The following ABI2 variants were observed in gnomAD, a reference collection of about 807,000 sequenced individuals.
The protein encoded by ABI2 is abelson interactor 2.
A neutral mutation model predicts 59.2 loss-of-function variants in ABI2; 25 were observed. The ratio of observed to expected loss-of-function variants is 0.42; its 90% CI spans 0.31 to 0.59. The LOEUF (loss-of-function observed/expected upper bound fraction) is 0.59, where lower values mean the gene tolerates loss of function less well. Among genes scored for constraint, ABI2 ranks in the 20% least tolerant of loss-of-function variants. ABI2 has a pLI of 0.14. For synonymous variants in ABI2, 213 were observed against 235.5 expected, an observed-to-expected ratio of 0.90 and a Z score of 0.87; for missense variants, 545 against 681.8, an observed-to-expected ratio of 0.80 and a Z score of 2.23.
chr2:203,385,123 G>T (rs1392745085), intron 4 of ABI2, among the ~76,000 whole-genome samples: 1 of 101,282 alleles, frequency 9.9e-6, no homozygotes, highest in African/African-American at 3.3e-5. Flanking sequence ...GTGAGCCACC[G>T]CACCCGGCTC....
intron 9 of ABI2, among the ~76,000 whole-genome samples, chr2:203,405,044 T>A (rs904699605): frequency 1.3e-5 from 2 of 152,198 alleles, no homozygotes; most frequent in African/African-American, 4.8e-5. Context: ...AGTAAAAAGA[T>A]CCCCACTTTA....
Position 203,402,801 on chromosome 2 carries a change from C to A in ABI2, c.1192+67C>A, listed in dbSNP as rs528368645. On this transcript the variant is annotated intron_variant, in intron 9 of 11. Transcript: ENST00000261018. The stretch of plus-strand genomic sequence containing the variant: ...ATTAAAAACCTTCAACTACAAAAAA[C>A]CCTTAATTACAAATAGTGCATGGTA... The A allele has an allele frequency of 1.3e-4, 174 of 1,366,416 alleles. 1 individual carries two copies. The South Asian group carries it at 2.7e-3, about 21-fold the overall frequency. 84.6% of individuals were successfully genotyped at this position (1,366,416 alleles called of 1,614,324 possible).
At chr2:203,343,721 T>C (rs994263561) in intron 1 of ABI2, among the ~76,000 whole-genome samples, 1 of 152,218 alleles carries the variant, frequency 6.6e-6, no homozygotes, top group African/African-American at 2.4e-5. Flanking sequence ...TTGATGTTAT[T>C]TGCATATAGG....
intron 10 of ABI2, among the ~76,000 whole-genome samples, chr2:203,411,743 T>C (rs1352706276): frequency 6.6e-6 from 1 of 152,146 alleles, no homozygotes; most frequent in Admixed American, 6.5e-5. Flanking sequence ...TCCTCCAGTT[T>C]TGTGATTCCA....
chr2:203,370,044 A>C (rs573321810), intron 2 of ABI2, among the ~76,000 whole-genome samples: 2 of 152,188 alleles, frequency 1.3e-5, no homozygotes, highest in African/African-American at 2.4e-5. Context: ...TCTGCTTACA[A>C]AACAAATAGT....
At position 203,415,645 on chromosome 2, in the gene ABI2, C is replaced by G. The variant is rs527868899; in HGVS notation, c.1280-1263C>G. On this transcript the variant is annotated intron_variant, in intron 10 of 11. Transcript: ENST00000261018. Reference sequence around the variant, plus strand: ...AAAAAAAAAAAAAAAAAAAAAAAATCCATTTAATTCAATTCGTAGGCTTAG... The same window carrying G: ...AAAAAAAAAAAAAAAAAAAAAAAATGCATTTAATTCAATTCGTAGGCTTAG... Among the ~76,000 whole-genome samples the G allele has an allele frequency of 3.5e-5, 5 of 141,894 alleles. No individual in the cohort carries two copies. The South Asian group carries it at 1.1e-3, about 32-fold the overall frequency. 93.1% of individuals were successfully genotyped at this position (141,894 alleles called of 152,430 possible).
At position 203,413,150 on chromosome 2, in the gene ABI2, G is replaced by C. The variant is rs114933730; in HGVS notation, c.1279+1779G>C. The stretch of plus-strand genomic sequence containing the variant: ...ATGTTGTCATTCATTTTGAACAAAA[G>C]TGGTTCTGAGCAGCTTCTGGAGTAA... On this transcript the variant is annotated intron_variant, in intron 10 of 11. Coordinates refer to ENST00000261018, the MANE Select transcript of ABI2 (RefSeq NM_001375670.1). Among the ~76,000 whole-genome samples the C allele has an allele frequency of 3.6e-3, 544 of 152,292 alleles. 8 individuals are homozygous for C. Among genetic ancestry groups the C allele is most frequent in the African/African-American group, 0.012 (512 of 41,564 alleles).
intron 10 of ABI2, 75 bp from the exon 11 acceptor site, chr2:203,416,833 A>C: frequency 1.3e-5 from 18 of 1,422,796 alleles, no homozygotes; most frequent in Non-Finnish European, 1.6e-5. Context: ...ATATTCCATG[A>C]ACCCAGAAGC....
At chr2:203,382,273 A>AC in intron 4 of ABI2, 67 bp downstream of exon 4, 3 of 1,343,492 alleles carry the variant, frequency 2.2e-6, no homozygotes, top group Non-Finnish European at 3.0e-6. Flanking sequence ...TGGGGAGTTA[A>AC]AGAGATTGTT....
intron 4 of ABI2, among the ~76,000 whole-genome samples, chr2:203,390,088 G>A (rs1477120572): frequency 6.6e-6 from 1 of 152,118 alleles, no homozygotes; most frequent in Non-Finnish European, 1.5e-5. Context: ...GGATACCTCA[G>A]CCCTAACTTT....
In ABI2 at chr2:203,428,524, C is replaced by G. The variant is rs1279199347; in HGVS notation, c.*1172C>G. The G allele has an allele frequency of 6.6e-6, 1 of 152,564 alleles. No individual in the cohort carries two copies. Among genetic ancestry groups the G allele is most frequent in the Admixed American group, 6.5e-5 (1 of 15,276 alleles). 9.5% of individuals were successfully genotyped at this position (152,564 alleles called of 1,614,324 possible). A position where few individuals can be genotyped will look rare whatever the true frequency, so the allele number is the denominator to read the frequency against. On this transcript the variant is annotated 3_prime_UTR_variant, in exon 12 of 12. Transcript: ENST00000261018. ...GCTGTTAGTCAGAATTAAAACCCAT[C>G]TCAGACTAAGAATATAATGAATAAG...
At chr2:203,405,639 G>A (rs545512721) in intron 9 of ABI2, among the ~76,000 whole-genome samples, 107 of 151,970 alleles carry the variant, frequency 7.0e-4, no homozygotes, top group Non-Finnish European at 1.3e-3. Context: ...GAGAATATTT[G>A]TTGTGCTTTC....
chr2:203,386,062 T>G (rs937869152), intron 4 of ABI2, among the ~76,000 whole-genome samples: 1 of 152,194 alleles, frequency 6.6e-6, no homozygotes, highest in Non-Finnish European at 1.5e-5. Flanking sequence ...CTTTTCCTGG[T>G]GTCCCTTAGG....
intron 11 of ABI2, among the ~76,000 whole-genome samples, chr2:203,423,408 T>C (rs940918173): frequency 1.3e-5 from 2 of 152,196 alleles, no homozygotes; most frequent in African/African-American, 2.4e-5. Flanking sequence ...TTTACTATTT[T>C]AGGAGAGAAA....
At chr2:203,361,859 TAA>T (rs778910158) in intron 1 of ABI2, among the ~76,000 whole-genome samples, 9 of 152,234 alleles carry the variant, frequency 5.9e-5, no homozygotes, top group Admixed American at 1.3e-4. Flanking sequence ...GTGTCTGTGC[TAA>T]GTTTGCAGGA....
At chr2:203,369,047 G>A (rs2094841741) in intron 2 of ABI2, among the ~76,000 whole-genome samples, 1 of 135,100 alleles carries the variant, frequency 7.4e-6, no homozygotes, top group Non-Finnish European at 1.5e-5. Context: ...TCATGCTGGG[G>A]CTGGTCCTGA....
chr2:203,395,848 A>G (rs1383146439), intron 7 of ABI2, 68 bp downstream of exon 7: 3 of 1,457,890 alleles, frequency 2.1e-6, no homozygotes, highest in Non-Finnish European at 2.7e-6. Flanking sequence ...TGATTTAATT[A>G]TGGTGGGCTT....
chr2:203,426,782 C>A (rs1240817746), intron 11 of ABI2, among the ~76,000 whole-genome samples: 16 of 36,460 alleles, frequency 4.4e-4, no homozygotes, highest in Non-Finnish European at 7.9e-4. Flanking sequence ...TAAAGAAAAG[C>A]TTTAAAAAAA....
chr2:203,400,115 A>T (rs570975208), intron 8 of ABI2, among the ~76,000 whole-genome samples: 1 of 107,866 alleles, frequency 9.3e-6, no homozygotes, highest in East Asian at 2.9e-4. Context: ...TTTGAGACAG[A>T]GTCTCACTCT....
Sources: allele counts gnomAD v4.1 joint callset (sites outside exome capture counted in the v4.1 genomes callset), GRCh38; gene constraint gnomAD v4.1.1; transcripts MANE v1.5; gene names NCBI Gene and HGNC (gene_info 2026-07-23, HGNC 2026-07-21).